ZSCAN18: variants seen among roughly 807,000 people sequenced by gnomAD.
The protein encoded by ZSCAN18 is zinc finger and SCAN domain-containing protein 18.
ZSCAN18 carries 16 observed loss-of-function variants against 31.1 expected under a neutral mutation model. The ratio of observed to expected loss-of-function variants is 0.51; its 90% CI spans 0.35 to 0.78. The LOEUF (loss-of-function observed/expected upper bound fraction) is 0.78. Ranked by LOEUF, ZSCAN18 falls within the 30% of genes least tolerant of loss-of-function variation. The probability of loss-of-function intolerance (pLI) is 0.01; values close to 1 mark genes in which losing one functional copy is unlikely to be tolerated. For missense variants in ZSCAN18, 731 were observed against 697.4 expected (o/e 1.05, Z -0.54); for synonymous variants, 375 against 320.7 (o/e 1.17, Z -1.81).
Position 58,084,906 on chromosome 19 carries a change from G to T in ZSCAN18, c.1312C>A (p.Arg438=), listed in dbSNP as rs767810311. ...LMEHHSSHGG[R]KRYACQGCWK... is the part of the protein sequence containing the mutation. The stretch of plus-strand genomic sequence containing the variant: ...CAGCCCTGACAGGCGTAGCGCTTCC[G>T]GCCGCCATGGCTGCTGTGGTGCTCC... Residue 438 remains arginine, a synonymous_variant, in exon 7 of 7, where the codon CGG becomes AGG. Transcript: ENST00000601144. This position sits in a 1 kb window ranked among gnomAD's most constrained non-coding sequence, Gnocchi z 4.5. 1 of 1,593,130 alleles carries T rather than the reference G, an allele frequency of 6.3e-7. No individual in the cohort carries two copies.
chr19:58,102,987 T>C (rs972365057), upstream of ZSCAN18, among the ~76,000 whole-genome samples: 8 of 152,042 alleles, frequency 5.3e-5, no homozygotes, highest in Admixed American at 5.2e-4. Flanking sequence ...CTGGGTGTGG[T>C]GGTGTGCACC....
intron 1 of ZSCAN18, among the ~76,000 whole-genome samples, chr19:58,103,979 A>G (rs1343629772): frequency 6.6e-6 from 1 of 152,204 alleles, no homozygotes; most frequent in African/African-American, 2.4e-5. Context: ...AGATCAAACT[A>G]CCCAAAGAGA....
At chr19:58,109,222 C>A (rs113995083) in intron 1 of ZSCAN18, 2 of 1,231,610 alleles carry the variant, frequency 1.6e-6, no homozygotes, top group African/African-American at 1.6e-5. Context: ...CCCTGATGAA[C>A]CTTTTTATTT....
chr19:58,096,906 C>T (rs1273661838), intron 1 of ZSCAN18, among the ~76,000 whole-genome samples: 3 of 152,140 alleles, frequency 2.0e-5, no homozygotes, highest in Non-Finnish European at 4.4e-5. Flanking sequence ...CTGATCCACT[C>T]GCCAGGACAG....
chr19:58,088,729 T>G lies in ZSCAN18; in HGVS notation c.512A>C (p.Gln171Pro), dbSNP rs1330896426. The G allele has an allele frequency of 5.6e-6, 9 of 1,607,670 alleles. No homozygotes were observed. In the Admixed American group the frequency reaches 1.5e-4, roughly 27 times the overall value. Residue 171 changes from glutamine (Q) to proline (P), a missense_variant, in exon 3 of 7, where the codon CAG (glutamine) becomes CCG (proline). By Grantham distance (76) the Gln-to-Pro change is moderately conservative (BLOSUM62 -1). This residue lies in a region of ZSCAN18 where 597 missense variants were observed against 499.5 expected (regional missense o/e 1.20). Transcript: ENST00000601144. ...LLPGELASPS[Q>P]ALGAGEIPAP... ...CGGGATCTCCCCAGCTCCAAGGGCC[T>G]GGCTGGGGCTCGCGAGCTCGCCTGG...
Position 58,108,847 on chromosome 19 carries a change from C to A in ZSCAN18, c.130+9420G>T, listed in dbSNP as rs1425016588. 10 of 987,342 alleles carry A rather than the reference C, an allele frequency of 1.0e-5. No homozygotes were observed. In the East Asian group the frequency reaches 9.5e-4, roughly 94 times the overall value. 61.2% of individuals were successfully genotyped at this position (987,342 alleles called of 1,614,324 possible). A position where few individuals can be genotyped will look rare whatever the true frequency, so the allele number is the denominator to read the frequency against. Reference sequence around the variant, plus strand: ...CCACCTTCGTTACATTTTGAAGGCTCATCTCCTTGTTAGATCTTCATCAAG... The same window carrying A: ...CCACCTTCGTTACATTTTGAAGGCTAATCTCCTTGTTAGATCTTCATCAAG... On this transcript the variant is annotated intron_variant, in intron 1 of 1. Coordinates refer to the ZSCAN18 transcript ENST00000595721.
At chr19:58,115,072 A>G (rs894075294) in intron 1 of ZSCAN18, among the ~76,000 whole-genome samples, 1 of 152,240 alleles carries the variant, frequency 6.6e-6, no homozygotes, top group Admixed American at 6.5e-5. Context: ...CAGGACACTA[A>G]AGGAAGGCCA....
At chr19:58,104,240 A>G (rs561139041) in intron 1 of ZSCAN18, among the ~76,000 whole-genome samples, 7 of 152,154 alleles carry the variant, frequency 4.6e-5, no homozygotes, top group Non-Finnish European at 8.8e-5. Context: ...TTAGCTGGGC[A>G]TGGTGGCGTG....
intron 1 of ZSCAN18, among the ~76,000 whole-genome samples, chr19:58,103,711 T>C (rs1014208271): frequency 2.0e-5 from 3 of 152,198 alleles, no homozygotes; most frequent in African/African-American, 7.2e-5. Flanking sequence ...AACCCTACAA[T>C]GGCCACTAAG....
chr19:58,113,875 G>C (rs1395207619), intron 1 of ZSCAN18, among the ~76,000 whole-genome samples: 1 of 152,188 alleles, frequency 6.6e-6, no homozygotes, highest in African/African-American at 2.4e-5. Flanking sequence ...CTACTCGGGA[G>C]GCTGAGGCAG....
intron 1 of ZSCAN18, among the ~76,000 whole-genome samples, chr19:58,106,718 AAAAAAAAAAAG>A: frequency 1.8e-5 from 1 of 55,476 alleles, no homozygotes. Flanking sequence ...AAAAAAAAAA[AAAAAAAAAAAG>A]AAAGAAAGAA....
chr19:58,084,952 G>A lies in ZSCAN18; in HGVS notation c.1266C>T (p.Phe422=), dbSNP rs1457428281. 2.5e-6 allele frequency: 4 copies of A among 1,598,960 alleles called. No homozygotes were observed. Among genetic ancestry groups the A allele is most frequent in the Non-Finnish European group, 3.4e-6 (4 of 1,174,890 alleles). ...GCTCCATCAGGTGCGAGAGCCACGC[G>A]AAGGCCTCCCCGCACTCGCCGCAGG... ...PYACGECGEA[F]AWLSHLMEHH... Residue 422 remains phenylalanine, a synonymous_variant, in exon 7 of 7, where the codon TTC becomes TTT. Coordinates refer to ENST00000601144, the MANE Select transcript of ZSCAN18 (RefSeq NM_001145543.2). This position sits in a 1 kb window ranked among gnomAD's most constrained non-coding sequence, Gnocchi z 4.5.
chr19:58,098,375 C>G, upstream of ZSCAN18: 4 of 985,532 alleles, frequency 4.1e-6, no homozygotes, highest in Non-Finnish European at 3.6e-6. Flanking sequence ...AGTGTGGCCT[C>G]CCGGCGTCCC....
chr19:58,108,830 G>A (rs550172287), intron 1 of ZSCAN18: 17 of 914,444 alleles, frequency 1.9e-5, no homozygotes, highest in Middle Eastern at 5.6e-4. Flanking sequence ...TACCACCTTC[G>A]TTACATTTTG....
rs867073358 is a variant in ZSCAN18 at position 58,084,855 on chromosome 19, C to A, written c.1363G>T (p.Ala455Ser). ...TGGGTCTTCTGGTGCTCGGCTAGGGCCAGGCTGAAGTGGAAGGTCTTCCAG... is the reference window on the plus strand; with the variant it reads ...TGGGTCTTCTGGTGCTCGGCTAGGGACAGGCTGAAGTGGAAGGTCTTCCAG... The part of the protein sequence containing the change: ...GCWKTFHFSL[A>S]LAEHQKTHEK... Residue 455 changes from alanine to serine, a missense_variant, in exon 7 of 7, where the codon GCC becomes TCC. Around this residue, in one of 4 missense-constraint regions of ZSCAN18, gnomAD observed 597 missense variants for 499.5 expected, o/e 1.20. Transcript: ENST00000601144. The surrounding 1 kb of genome is among the most constrained non-coding windows in gnomAD (Gnocchi z 4.5). 3.7e-6 allele frequency: 6 copies of A among 1,600,338 alleles called. No individual in the cohort carries two copies. The Admixed American group carries it at 6.9e-5, about 18-fold the overall frequency.
intron 1 of ZSCAN18, among the ~76,000 whole-genome samples, chr19:58,118,034 C>T (rs565963732): frequency 5.9e-5 from 9 of 152,146 alleles, no homozygotes; most frequent in Admixed American, 4.6e-4. Flanking sequence ...GTTAGGGGGT[C>T]CGCGCCCGGC....
intron 1 of ZSCAN18, among the ~76,000 whole-genome samples, chr19:58,111,239 G>A (rs1031382386): frequency 3.3e-5 from 5 of 152,040 alleles, no homozygotes; most frequent in African/African-American, 7.2e-5. Context: ...TGCTTTGATT[G>A]GCCCTGAACT....
intron 6 of ZSCAN18, 162 bp downstream of exon 6, chr19:58,086,012 G>GT (rs2074272597): frequency 6.3e-6 from 4 of 635,054 alleles, no homozygotes; most frequent in Non-Finnish European, 1.1e-5. Context: ...GACCATGGAC[G>GT]TAACTGGATT....
intron 1 of ZSCAN18, chr19:58,109,353 A>G (rs1319626947): frequency 8.1e-6 from 10 of 1,231,006 alleles, no homozygotes; most frequent in Non-Finnish European, 9.1e-6. Context: ...AAAAATTGCT[A>G]GAGTTAGAAT....
Sources: allele counts gnomAD v4.1 joint callset (sites outside exome capture counted in the v4.1 genomes callset), GRCh38; gene constraint gnomAD v4.1.1; regional missense constraint gnomAD v4.1.1; non-coding constraint Gnocchi (gnomAD v3.1); transcripts MANE v1.5; gene names NCBI Gene and HGNC (gene_info 2026-07-23, HGNC 2026-07-21).